Variants in LEP observed in about 807,000 individuals in gnomAD.
LEP encodes the protein leptin.
A neutral mutation model predicts 9.8 loss-of-function variants in LEP; 6 were observed. The ratio of observed to expected loss-of-function variants is 0.61; its 90% confidence interval spans 0.34 to 1.21. The LOEUF is 1.21. Among genes scored for constraint, LEP ranks in the 50% most tolerant of loss-of-function variants. LEP has a pLI of 0.04. For missense variants in LEP, 134 were observed against 198.1 expected (o/e 0.68, Z 1.94); for synonymous variants, 112 against 81.7 (o/e 1.37, Z -2.00).
At chr7:128,244,998 G>C (rs895376232) in intron 1 of LEP, among the ~76,000 whole-genome samples, 2 of 152,180 alleles carry the variant, frequency 1.3e-5, no homozygotes, top group Admixed American at 1.3e-4. Context: ...GTAGCCAAGG[G>C]GGCTGGAGTG....
intron 1 of LEP, among the ~76,000 whole-genome samples, chr7:128,247,787 T>C (rs1795228943): frequency 6.6e-6 from 1 of 152,204 alleles, no homozygotes; most frequent in African/African-American, 2.4e-5. Flanking sequence ...TTCAGCCACA[T>C]AACATCGACA....
At chr7:128,244,899 G>A (rs1316523426) in intron 1 of LEP, among the ~76,000 whole-genome samples, 1 of 152,186 alleles carries the variant, frequency 6.6e-6, no homozygotes, top group African/African-American at 2.4e-5. Flanking sequence ...GAAGTTGATT[G>A]ACCCAATCAG....
At chr7:128,243,020 C>T (rs955482203) in intron 1 of LEP, among the ~76,000 whole-genome samples, 5 of 152,152 alleles carry the variant, frequency 3.3e-5, no homozygotes, top group South Asian at 2.1e-4. Context: ...CCATCCCCAC[C>T]GGGGTAGGAG....
chr7:128,244,177 G>A lies in LEP; in HGVS notation c.-29+2871G>A, dbSNP rs186624903. ...GAGGTGGGAGAATTGCTTGAGCCCG[G>A]GAAGTCGGGGGTCCAGTGAGCCTTG... On this transcript the variant is annotated intron_variant, in intron 1 of 2. Transcript: ENST00000308868. Among the ~76,000 whole-genome samples, 89 of 152,052 alleles carry A rather than the reference G, an allele frequency of 5.9e-4. 1 individual carries two copies. The highest frequency in any genetic ancestry group is 3.4e-3 in the Middle Eastern group (1 of 294).
chr7:128,254,330 G>A lies in LEP; in HGVS notation c.145-74G>A, dbSNP rs28954112. On this transcript the variant is annotated intron_variant, in intron 2 of 2. Transcript: ENST00000308868. ...CCAGAGAATGACCCTCCATGCCCACGGGGAAGGCAGAGGGCTCTGAGAGCG... is the reference window on the plus strand; with the variant it reads ...CCAGAGAATGACCCTCCATGCCCACAGGGAAGGCAGAGGGCTCTGAGAGCG... The A allele has an allele frequency of 3.1e-4, 498 of 1,587,170 alleles. 1 individual carries two copies. In the African/African-American group the frequency reaches 5.6e-3, roughly 18 times the overall value.
chr7:128,248,483 C>T (rs1390936364), intron 1 of LEP, among the ~76,000 whole-genome samples: 1 of 151,734 alleles, frequency 6.6e-6, no homozygotes, highest in Non-Finnish European at 1.5e-5. Flanking sequence ...GCCCGTAATT[C>T]CAGCTACTCA....
chr7:128,256,670 T>C lies in LEP; in HGVS notation c.*1907T>C, dbSNP rs1248130198. 1.3e-5 allele frequency: 2 copies of C among 152,236 alleles called. No individual in the cohort carries two copies. Among genetic ancestry groups the C allele is most frequent in the African/African-American group, 2.4e-5 (1 of 41,460 alleles). The allele number at this position is 152,236 out of a possible 1,614,324, so 9.4% of individuals were successfully genotyped here. ...AACATGTTTACTTTTCAGGGCATCT[T>C]AGCTTCTATTATAGCCACATCCCTT... On this transcript the variant is annotated 3_prime_UTR_variant, in exon 3 of 3. Transcript: ENST00000308868.
At chr7:128,249,635 G>A (rs764919669) in intron 1 of LEP, among the ~76,000 whole-genome samples, 14 of 152,176 alleles carry the variant, frequency 9.2e-5, no homozygotes, top group Non-Finnish European at 1.9e-4. Context: ...AGTTTTCTAT[G>A]ACTGGGGAAG....
chr7:128,244,647 G>A (rs374942574), intron 1 of LEP, among the ~76,000 whole-genome samples: 2 of 152,200 alleles, frequency 1.3e-5, no homozygotes, highest in African/African-American at 2.4e-5. Context: ...TAAGAAAAGA[G>A]TATCTCACCC....
chr7:128,255,247 T>G lies in LEP; in HGVS notation c.*484T>G, dbSNP rs1253750416. 1.2e-5 allele frequency: 2 copies of G among 173,400 alleles called. No individual in the cohort carries two copies. The highest frequency in any genetic ancestry group is 4.7e-5 in the African/African-American group (2 of 42,122). The allele number at this position is 173,400 out of a possible 1,614,324, so 10.7% of individuals were successfully genotyped here. ...CCCAGCAACACAAGCTGGAAGCACA[T>G]GTTTATTTATTCTGCATTTTATTCT... is the stretch of plus-strand genomic sequence containing the variant. On this transcript the variant is annotated 3_prime_UTR_variant, in exon 3 of 3. Coordinates refer to ENST00000308868, the MANE Select transcript of LEP (RefSeq NM_000230.3).
At position 128,246,354 on chromosome 7, in the gene LEP, G is replaced by T. The variant is rs529415881; in HGVS notation, c.-29+5048G>T. 2.6e-5 allele frequency among the ~76,000 whole-genome samples: 4 copies of T among 152,320 alleles called. No homozygotes were observed. The South Asian group carries it at 8.3e-4, about 32-fold the overall frequency. On this transcript the variant is annotated intron_variant, in intron 1 of 2. Coordinates refer to ENST00000308868, the MANE Select transcript of LEP (RefSeq NM_000230.3). ...AAGTAACAGTGAGGCTGGTGCAGAG[G>T]ACCCAGGTGGAGGTAGACAGCAGAA...
intron 1 of LEP, among the ~76,000 whole-genome samples, chr7:128,251,148 C>T (rs1207666785): frequency 1.3e-5 from 2 of 152,176 alleles, no homozygotes; most frequent in Non-Finnish European, 2.9e-5. Context: ...TCCAGGGAGC[C>T]CCCTGTGCCT....
At chr7:128,250,850 T>C (rs1795266791) in intron 1 of LEP, among the ~76,000 whole-genome samples, 1 of 152,216 alleles carries the variant, frequency 6.6e-6, no homozygotes, top group Non-Finnish European at 1.5e-5. Flanking sequence ...CATGCACATA[T>C]ACTTAGCATG....
intron 1 of LEP, among the ~76,000 whole-genome samples, chr7:128,249,700 G>C (rs1795252329): frequency 6.6e-6 from 1 of 152,300 alleles, no homozygotes; most frequent in South Asian, 2.1e-4. Context: ...AGGGTGATCT[G>C]TGTTGATGTG....
intron 2 of LEP, 26 bp downstream of exon 2, chr7:128,252,188 T>G (rs1180671930): frequency 6.2e-7 from 1 of 1,613,312 alleles, no homozygotes; most frequent in African/African-American, 1.3e-5. Flanking sequence ...GGGGACAAAG[T>G]AGAACTGCAG....
intron 2 of LEP, among the ~76,000 whole-genome samples, chr7:128,252,949 G>A (rs1375402478): frequency 2.6e-5 from 4 of 152,118 alleles, no homozygotes; most frequent in African/African-American, 4.8e-5. Flanking sequence ...GAGGCCTCAC[G>A]TGCTTATTTT....
intron 1 of LEP, among the ~76,000 whole-genome samples, chr7:128,249,816 T>C (rs1795253578): frequency 6.6e-6 from 1 of 152,220 alleles, no homozygotes; most frequent in Non-Finnish European, 1.5e-5. Flanking sequence ...ACCAGTTCTC[T>C]CTGCAGACCC....
At chr7:128,253,922 A>C (rs1795304377) in intron 2 of LEP, among the ~76,000 whole-genome samples, 1 of 152,108 alleles carries the variant, frequency 6.6e-6, no homozygotes, top group Admixed American at 6.5e-5. Flanking sequence ...AACTGGAGTC[A>C]CTGGAGCAGG....
chr7:128,252,234 A>C, intron 2 of LEP, 72 bp downstream of exon 2: 1 of 1,531,320 alleles, frequency 6.5e-7, no homozygotes, highest in Non-Finnish European at 9.0e-7. Context: ...CACTGGACCC[A>C]GATAGTCCAA....
Sources: allele counts gnomAD v4.1 joint callset (sites outside exome capture counted in the v4.1 genomes callset), GRCh38; gene constraint gnomAD v4.1.1; transcripts MANE v1.5; gene names NCBI Gene and HGNC (gene_info 2026-07-23, HGNC 2026-07-21).